RALGPS2: variants seen among roughly 807,000 people sequenced by gnomAD.
RALGPS2 encodes the protein ras-specific guanine nucleotide-releasing factor RalGPS2.
RALGPS2 carries 43 observed loss-of-function variants against 86.8 expected under a neutral mutation model. The observed-to-expected ratio is 0.50, with a 90% confidence interval of 0.39 to 0.64. The LOEUF is 0.64. Among genes scored for constraint, RALGPS2 ranks in the 30% least tolerant of loss-of-function variants. The pLI is 0.00. For missense variants in RALGPS2, 536 were observed against 694.6 expected (o/e 0.77, Z 2.57); for synonymous variants, 243 against 231.3 (o/e 1.05, Z -0.46).
At chr1:178,798,374 C>G (rs964636171) in intron 4 of RALGPS2, among the ~76,000 whole-genome samples, 1 of 152,144 alleles carries the variant, frequency 6.6e-6, no homozygotes, top group Non-Finnish European at 1.5e-5. Flanking sequence ...ATGAGCAGTT[C>G]CTGTCTCCAG....
At chr1:178,732,535 G>A (rs948690420) in intron 1 of RALGPS2, among the ~76,000 whole-genome samples, 7 of 151,962 alleles carry the variant, frequency 4.6e-5, no homozygotes, top group Non-Finnish European at 7.4e-5. Context: ...TCCTGACCTC[G>A]TGATCTGCCC....
chr1:178,809,325 G>A (rs953538932), intron 5 of RALGPS2, among the ~76,000 whole-genome samples: 3 of 151,958 alleles, frequency 2.0e-5, no homozygotes, highest in African/African-American at 7.3e-5. Flanking sequence ...AGATAGAAAT[G>A]GAGGAGCGGA....
At chr1:178,736,354 G>A (rs566642950) in intron 1 of RALGPS2, among the ~76,000 whole-genome samples, 2 of 152,010 alleles carry the variant, frequency 1.3e-5, no homozygotes, top group African/African-American at 2.4e-5. Flanking sequence ...TAGAGTCAGA[G>A]CTTCACCATG....
intron 4 of RALGPS2, among the ~76,000 whole-genome samples, chr1:178,801,177 C>T (rs188750145): frequency 3.9e-5 from 6 of 152,172 alleles, no homozygotes; most frequent in African/African-American, 1.2e-4. Context: ...CCACCTGCCT[C>T]GGCCTCCCAA....
At chr1:178,753,750 T>C (rs1350223848) in intron 1 of RALGPS2, 1 of 152,172 alleles carries the variant, frequency 6.6e-6, no homozygotes, top group East Asian at 1.9e-4. Context: ...CGTAAAACAC[T>C]TCAGTTATAA....
At chr1:178,913,010 G>A (rs1200034850) in intron 19 of RALGPS2, among the ~76,000 whole-genome samples, 1 of 152,098 alleles carries the variant, frequency 6.6e-6, no homozygotes, top group Non-Finnish European at 1.5e-5. Context: ...GGCTGGGAGT[G>A]GTGGCTCTCA....
At chr1:178,786,131 A>G (rs1346619559) in intron 4 of RALGPS2, among the ~76,000 whole-genome samples, 1 of 152,092 alleles carries the variant, frequency 6.6e-6, no homozygotes, top group African/African-American at 2.4e-5. Context: ...CTGAGGAAGA[A>G]GGGAGATTTG....
intron 8 of RALGPS2, among the ~76,000 whole-genome samples, chr1:178,851,500 C>G (rs1173818376): frequency 6.6e-6 from 1 of 152,066 alleles, no homozygotes; most frequent in Admixed American, 6.6e-5. Context: ...TGAAAAATCA[C>G]TTGAATTGCC....
chr1:178,859,757 T>G (rs1477153883), intron 8 of RALGPS2, among the ~76,000 whole-genome samples: 3 of 126,154 alleles, frequency 2.4e-5, no homozygotes, highest in Non-Finnish European at 3.3e-5. Flanking sequence ...GAGTGCAGTG[T>G]CGCGATCTCG....
chr1:178,806,821 TTC>T (rs1415315436), intron 4 of RALGPS2, among the ~76,000 whole-genome samples: 1 of 152,124 alleles, frequency 6.6e-6, no homozygotes, highest in Non-Finnish European at 1.5e-5. Context: ...TTTGTTGTGG[TTC>T]TCTCTCTCCC....
At chr1:178,868,435 TAAATA>T (rs1658552395) in intron 8 of RALGPS2, among the ~76,000 whole-genome samples, 1 of 151,938 alleles carries the variant, frequency 6.6e-6, no homozygotes, top group South Asian at 2.1e-4. Context: ...TTATTTTACT[TAAATA>T]ATATTTACTA....
intron 8 of RALGPS2, chr1:178,868,980 T>G (rs1658583590): frequency 6.6e-6 from 1 of 152,050 alleles, no homozygotes; most frequent in Non-Finnish European, 1.5e-5. Flanking sequence ...TTCTCTTATT[T>G]AATATTTTCT....
chr1:178,796,743 C>G (rs1479827641), intron 4 of RALGPS2, among the ~76,000 whole-genome samples: 1 of 152,162 alleles, frequency 6.6e-6, no homozygotes, highest in East Asian at 1.9e-4. Flanking sequence ...GCTCTGACTT[C>G]TGTGAATTCA....
chr1:178,838,291 CA>C (rs769449640), intron 8 of RALGPS2, among the ~76,000 whole-genome samples: 2 of 152,220 alleles, frequency 1.3e-5, no homozygotes, highest in Non-Finnish European at 1.5e-5. Flanking sequence ...GGCAGACTGA[CA>C]CCTCACACAT....
rs115411744 is a variant in RALGPS2, at chr1:178,802,354, A to G, written c.214-5691A>G. ...CTCAGTCTATGGTACATATCAAGCA[A>G]TGCAACTTGTTCTTGAAATGTCATG... On this transcript the variant is annotated intron_variant, in intron 4 of 19. Transcript: ENST00000367635. 3.7e-3 allele frequency among the ~76,000 whole-genome samples: 561 copies of G among 152,298 alleles called. 5 individuals are homozygous for G. The highest frequency in any genetic ancestry group is 0.012 in the African/African-American group (507 of 41,578).
At chr1:178,808,798 G>A (rs1001259378) in intron 5 of RALGPS2, among the ~76,000 whole-genome samples, 9 of 152,106 alleles carry the variant, frequency 5.9e-5, no homozygotes, top group Non-Finnish European at 2.9e-5. Flanking sequence ...GTACTTCTCT[G>A]TAGTAAAAAT....
At chr1:178,853,345 G>A (rs1657307045) in intron 8 of RALGPS2, among the ~76,000 whole-genome samples, 1 of 152,104 alleles carries the variant, frequency 6.6e-6, no homozygotes, top group South Asian at 2.1e-4. Context: ...TCTTTGTAAA[G>A]TAGTAAGTAT....
At chr1:178,822,379 A>C (rs1460754761) in intron 7 of RALGPS2, among the ~76,000 whole-genome samples, 1 of 152,002 alleles carries the variant, frequency 6.6e-6, no homozygotes, top group Non-Finnish European at 1.5e-5. Context: ...AAATTTATTT[A>C]TATTCAATAC....
chr1:178,866,379 C>G (rs923558485), intron 8 of RALGPS2, among the ~76,000 whole-genome samples: 1 of 151,936 alleles, frequency 6.6e-6, no homozygotes, highest in African/African-American at 2.4e-5. Flanking sequence ...AAATCTAAAC[C>G]CAGATAGTTT....
Sources: gnomAD v4.1 joint callset for allele counts (sites outside exome capture counted in the v4.1 genomes callset) on GRCh38, gnomAD v4.1.1 for gene constraint, MANE v1.5 for transcripts, NCBI Gene and HGNC (gene_info 2026-07-23, HGNC 2026-07-21) for gene names.